RLIM: variants seen among roughly 807,000 people sequenced by gnomAD.
RLIM encodes ring finger protein, LIM domain interacting.
In RLIM, 2 loss-of-function variants were observed where a neutral mutation model predicts 34.0. The ratio of observed to expected loss-of-function variants is 0.06; its 90% CI spans 0.02 to 0.19. RLIM has a LOEUF of 0.19. Among genes scored for constraint, RLIM ranks in the 10% least tolerant of loss-of-function variants. RLIM has a pLI of 1.00. For missense variants in RLIM, 286 were observed against 479.7 expected, an observed-to-expected ratio of 0.60 and a Z score of 3.77; for synonymous variants, 169 against 164.0, an observed-to-expected ratio of 1.03 and a Z score of -0.23.
chrX:74,602,395 A>G (rs1020303847), intron 1 of RLIM, among the ~76,000 whole-genome samples: 65 of 111,333 alleles, frequency 5.8e-4, no homozygotes, highest in Middle Eastern at 4.6e-3. Flanking sequence ...CACGGTGTTC[A>G]AATAAAAGCA....
At chrX:74,610,695 G>C (rs1044098522) in intron 1 of RLIM, among the ~76,000 whole-genome samples, 13 of 109,288 alleles carry the variant, frequency 1.2e-4, no homozygotes, top group Non-Finnish European at 1.9e-4. Flanking sequence ...TTCGAGACCA[G>C]CCTGGCCAAT....
At chrX:74,612,162 A>G (rs2079714472) in intron 1 of RLIM, among the ~76,000 whole-genome samples, 1 of 112,340 alleles carries the variant, frequency 8.9e-6, no homozygotes, top group South Asian at 3.6e-4. Flanking sequence ...AAGGAAAAAA[A>G]TCAACCACCA....
At chrX:74,612,078 T>C (rs2819593) in intron 1 of RLIM, among the ~76,000 whole-genome samples, 1 of 111,626 alleles carries the variant, frequency 9.0e-6, no homozygotes, top group African/African-American at 3.3e-5. Context: ...ACCCTAATGA[T>C]GATGATAATA....
At chrX:74,597,719 CTATCA>C (rs1232400624) in intron 1 of RLIM, among the ~76,000 whole-genome samples, 1 of 112,190 alleles carries the variant, frequency 8.9e-6, no homozygotes, top group Non-Finnish European at 1.9e-5. Context: ...AAATTTCAAT[CTATCA>C]TATTACTGAA....
chrX:74,605,528 A>C (rs1472944430), intron 1 of RLIM, among the ~76,000 whole-genome samples: 5 of 112,054 alleles, frequency 4.5e-5, no homozygotes, highest in African/African-American at 1.6e-4. Context: ...TTAAGTAGCA[A>C]GAGGAAAAAG....
At chrX:74,613,350 T>C (rs767076805) in intron 1 of RLIM, among the ~76,000 whole-genome samples, 8 of 109,976 alleles carry the variant, frequency 7.3e-5, no homozygotes, top group African/African-American at 2.7e-4. Context: ...GTCTTGCAAA[T>C]GGAAGATGAC....
At chrX:74,608,249 T>C (rs188547977) in intron 1 of RLIM, among the ~76,000 whole-genome samples, 35 of 111,546 alleles carry the variant, frequency 3.1e-4, no homozygotes, top group Non-Finnish European at 6.0e-4. Context: ...AATCTGTAAC[T>C]GTAAATAAGA....
chrX:74,594,061 CAA>C (rs1364099420), intron 3 of RLIM, among the ~76,000 whole-genome samples: 3 of 111,661 alleles, frequency 2.7e-5, no homozygotes, highest in Admixed American at 9.5e-5. Flanking sequence ...AACAAACAAA[CAA>C]AATCACATTT....
chrX:74,605,439 T>C (rs1300717402), intron 1 of RLIM, among the ~76,000 whole-genome samples: 1 of 112,092 alleles, frequency 8.9e-6, no homozygotes, highest in Non-Finnish European at 1.9e-5. Flanking sequence ...GGTGTGAAAA[T>C]ATTAGTGAAG....
intron 1 of RLIM, among the ~76,000 whole-genome samples, chrX:74,598,111 T>C (rs1279722720): frequency 8.9e-6 from 1 of 112,245 alleles, no homozygotes; most frequent in Non-Finnish European, 1.9e-5. Flanking sequence ...ATATACTTCA[T>C]GTCCTGACAA....
At position 74,591,994 on chromosome X, in the gene RLIM, C is replaced by G. The variant is rs2079618347; in HGVS notation, c.1321G>C (p.Glu441Gln). ...SVSNRNMERAESRSGRGGSGG... is the reference protein window; with the variant it reads ...SVSNRNMERAQSRSGRGGSGG... ...GAACCTCCTCTTCCACTCCGTGACT[C>G]TGCCCTTTCCATATTTCGATTTGAG... Residue 441 changes from glutamate (E) to glutamine (Q), a missense_variant, in exon 4 of 4, where the codon GAG becomes CAG. Physicochemically the swap from Glu to Gln is conservative, Grantham distance 29 (BLOSUM62 2). This residue lies in a region of RLIM where 69 missense variants were observed against 83.5 expected (regional missense o/e 0.83). Transcript: ENST00000332687. 2.5e-6 allele frequency: 3 copies of G among 1,211,738 alleles called. No homozygotes were observed. In the Admixed American group the frequency reaches 6.5e-5, roughly 26 times the overall value.
chrX:74,584,509 A>AT lies in RLIM; in HGVS notation c.*6930dup, dbSNP rs1931298771. On this transcript the variant is annotated 3_prime_UTR_variant, in exon 4 of 4. Coordinates refer to ENST00000332687, the MANE Select transcript of RLIM (RefSeq NM_016120.4). Reference sequence around the variant, plus strand: ...AAAGAAACTGGACCCTTGCTTTCTTATTTTTTAAAATGACCATTAAGAGTT... The same window carrying AT: ...AAAGAAACTGGACCCTTGCTTTCTTATTTTTTTAAAATGACCATTAAGAGTT... 8.9e-6 allele frequency among the ~76,000 whole-genome samples: 1 copy of AT among 112,047 alleles called. No individual in the cohort carries two copies. Among genetic ancestry groups the AT allele is most frequent in the Admixed American group, 9.5e-5 (1 of 10,546 alleles).
In RLIM at chrX:74,598,878, A is replaced by G. The variant is rs138251241; in HGVS notation, c.-23-2878T>C. ...GCTTAAGATAGCAATACCTATATGT[A>G]TGAAAAGATATTTTCAAAGATTAAA... is the stretch of plus-strand genomic sequence containing the variant. On this transcript the variant is annotated intron_variant, in intron 1 of 3. Coordinates refer to ENST00000332687, the MANE Select transcript of RLIM (RefSeq NM_016120.4). Among the ~76,000 whole-genome samples, 89 of 111,823 alleles carry G rather than the reference A, an allele frequency of 8.0e-4. No homozygotes were observed. The East Asian group carries it at 0.023, about 29-fold the overall frequency.
In RLIM at chrX:74,586,325, ATGAGGAACTTAC is replaced by A. The variant is rs2079586948; in HGVS notation, c.*5103_*5114del. The A allele has an allele frequency of 3.6e-5, 4 of 112,195 alleles. No individual in the cohort carries two copies. Among genetic ancestry groups the A allele is most frequent in the African/African-American group, 1.3e-4 (4 of 30,862 alleles). 9.2% of individuals were successfully genotyped at this position (112,195 alleles called of 1,213,427 possible). ...CTTGGTATTGAAATAATTCTGCAAG[ATGAGGAACTTAC>A]AGAGGAACCTTGAAAGAGGCACCAT... On this transcript the variant is annotated 3_prime_UTR_variant, in exon 4 of 4. Transcript: ENST00000332687.
At chrX:74,609,493 A>AAAAAT (rs2079698082) in intron 1 of RLIM, among the ~76,000 whole-genome samples, 2 of 86,817 alleles carry the variant, frequency 2.3e-5, no homozygotes, top group African/African-American at 8.7e-5. Context: ...GTTTCAAAAA[A>AAAAAT]AAAAAAAAAA....
chrX:74,584,285 C>A lies in RLIM; in HGVS notation c.*7155G>T, dbSNP rs1931291730. ...TTACTATGTGACCTGGGCAAATTACCAAACATCTGTATCTCAGCTGCATTA... is the reference window on the plus strand; with the variant it reads ...TTACTATGTGACCTGGGCAAATTACAAAACATCTGTATCTCAGCTGCATTA... On this transcript the variant is annotated 3_prime_UTR_variant, in exon 4 of 4. Transcript: ENST00000332687. Among the ~76,000 whole-genome samples the A allele has an allele frequency of 9.0e-6, 1 of 111,469 alleles. No homozygotes were observed. Among genetic ancestry groups the A allele is most frequent in the Admixed American group, 9.6e-5 (1 of 10,471 alleles).
In RLIM at chrX:74,583,452, G is replaced by A. The variant is rs1040949893; in HGVS notation, c.*7988C>T. Reference sequence around the variant, plus strand: ...ATGTTGCTGAGGATTGCAAACTCCCGCAGCATATTTATACTGTGGAACGGT... The same window carrying A: ...ATGTTGCTGAGGATTGCAAACTCCCACAGCATATTTATACTGTGGAACGGT... On this transcript the variant is annotated 3_prime_UTR_variant, in exon 4 of 4. Transcript: ENST00000332687. The A allele has an allele frequency of 8.7e-6, 6 of 688,026 alleles. No homozygotes were observed. The highest frequency in any genetic ancestry group is 1.4e-5 in the Non-Finnish European group (6 of 416,376). 56.7% of individuals were successfully genotyped at this position (688,026 alleles called of 1,213,427 possible).
At chrX:74,613,294 T>C (rs2079719733) in intron 1 of RLIM, among the ~76,000 whole-genome samples, 1 of 111,285 alleles carries the variant, frequency 9.0e-6, no homozygotes, top group Non-Finnish European at 1.9e-5. Context: ...TTAATTCTGA[T>C]TCAGGAAATG....
Position 74,592,729 on chromosome X carries a change from T to C in RLIM, c.586A>G (p.Thr196Ala), listed in dbSNP as rs749931721. The change falls in exon 4 of 4, where the codon ACT becomes GCT. Residue 196 changes from threonine to alanine, a missense_variant. This residue lies in a region of RLIM where 121 missense variants were observed against 182.4 expected (regional missense o/e 0.66). Coordinates refer to ENST00000332687, the MANE Select transcript of RLIM (RefSeq NM_016120.4). ...GGTGGGACCTCTGTTAACGCTTCAG[T>C]TGAATTTCGTTCTGATCTAGATGGC... ...ARPSRSERNS[T>A]EALTEVPPTR... 5.8e-6 allele frequency: 7 copies of C among 1,210,308 alleles called. No homozygotes were observed. The highest frequency in any genetic ancestry group is 1.8e-5 in the South Asian group (1 of 56,860).
Sources: gnomAD v4.1 joint callset for allele counts (sites outside exome capture counted in the v4.1 genomes callset) on GRCh38, gnomAD v4.1.1 for gene constraint, gnomAD v4.1.1 regional missense constraint, MANE v1.5 for transcripts, NCBI Gene and HGNC (gene_info 2026-07-23, HGNC 2026-07-21) for gene names.